Variants in CFAP77 observed in about 807,000 individuals in gnomAD.
CFAP77 encodes the protein cilia and flagella associated protein 77, also known as cilia- and flagella-associated protein 77.
A neutral mutation model predicts 31.1 loss-of-function variants in CFAP77; 25 were observed. That is an observed-to-expected ratio of 0.80 (90% confidence interval 0.59 to 1.12). CFAP77 has a LOEUF of 1.12. CFAP77 is among the 50% of genes most tolerant of loss of function. The pLI is 0.00. For synonymous variants in CFAP77, 151 were observed against 159.9 expected (o/e 0.94, Z 0.42); for missense variants, 377 against 397.3 (o/e 0.95, Z 0.44).
At chr9:132,466,943 C>T (rs554849185) in intron 1 of CFAP77, among the ~76,000 whole-genome samples, 31 of 152,208 alleles carry the variant, frequency 2.0e-4, no homozygotes, top group African/African-American at 7.2e-4. Flanking sequence ...TTTGGGAGGC[C>T]GAGGCGGGTG....
In CFAP77 at chr9:132,449,433, AG is replaced by A. The variant is rs1235943483; in HGVS notation, c.195+38969del. Among the ~76,000 whole-genome samples, 6 of 133,040 alleles carry A rather than the reference AG, an allele frequency of 4.5e-5. No homozygotes were observed. The East Asian group carries it at 8.8e-4, about 20-fold the overall frequency. 87.3% of individuals were successfully genotyped at this position (133,040 alleles called of 152,430 possible). A position where few individuals can be genotyped will look rare whatever the true frequency, so the allele number is the denominator to read the frequency against. ...ATATAAATGGAGCCATAGAGTACACAGGTTTTTTTTTTTTTTATGTTTTACT... is the reference window on the plus strand; with the variant it reads ...ATATAAATGGAGCCATAGAGTACACAGTTTTTTTTTTTTTTATGTTTTACT... On this transcript the variant is annotated intron_variant, in intron 1 of 5. Coordinates refer to ENST00000393216, the MANE Select transcript of CFAP77 (RefSeq NM_001282957.2).
chr9:132,551,219 C>T (rs1021114893), intron 5 of CFAP77, among the ~76,000 whole-genome samples: 14 of 151,408 alleles, frequency 9.2e-5, no homozygotes, highest in Non-Finnish European at 2.9e-5. Context: ...TCCAAGACAG[C>T]AGCAATGATA....
chr9:132,548,455 G>A (rs535514970), intron 5 of CFAP77, among the ~76,000 whole-genome samples: 120 of 152,256 alleles, frequency 7.9e-4, no homozygotes, highest in Non-Finnish European at 1.5e-3. Flanking sequence ...TCGACCTCCA[G>A]CTTTGAGCTC....
At position 132,517,576 on chromosome 9, in the gene CFAP77, TGTA is replaced by T. The variant is rs1293626454; in HGVS notation, c.524+17977_524+17979del. Among the ~76,000 whole-genome samples the T allele has an allele frequency of 6.6e-6, 1 of 152,244 alleles. No homozygotes were observed. The highest frequency in any genetic ancestry group is 6.5e-5 in the Admixed American group (1 of 15,288). Reference sequence around the variant, plus strand: ...CTTCTGAAACACCTTTCAACAAATGTGTACCTAAAGTCCCTCAGAAGGCTCCTC... The same window carrying T: ...CTTCTGAAACACCTTTCAACAAATGTCCTAAAGTCCCTCAGAAGGCTCCTC... On this transcript the variant is annotated intron_variant, in intron 3 of 5. Coordinates refer to ENST00000393216, the MANE Select transcript of CFAP77 (RefSeq NM_001282957.2). The surrounding 1 kb of genome is among the most constrained non-coding windows in gnomAD (Gnocchi z 4.7).
intron 1 of CFAP77, among the ~76,000 whole-genome samples, chr9:132,483,502 G>A (rs565608521): frequency 1.3e-5 from 2 of 152,174 alleles, no homozygotes; most frequent in East Asian, 1.9e-4. Flanking sequence ...AGGCTGACGC[G>A]AACTGACACC....
chr9:132,458,357 G>GGGGGGGGGGTGGGGT lies in CFAP77; in HGVS notation c.196-40337_196-40336insGGGGGGGGTGGGGTG, dbSNP rs139008147. 5.2e-4 allele frequency among the ~76,000 whole-genome samples: 62 copies of GGGGGGGGGGTGGGGT among 119,064 alleles called. 1 individual carries two copies. The highest frequency in any genetic ancestry group is 6.9e-4 in the Admixed American group (7 of 10,214). 78.1% of individuals were successfully genotyped at this position (119,064 alleles called of 152,430 possible). A position where few individuals can be genotyped will look rare whatever the true frequency, so the allele number is the denominator to read the frequency against. Reference sequence around the variant, plus strand: ...GTCTCCCTGGCGGGGGAGGGGGGGGGGTGTGTATGGAAGGCTCAGCTCATC... The same window carrying GGGGGGGGGGTGGGGT: ...GTCTCCCTGGCGGGGGAGGGGGGGGGGGGGGGGGGTGGGGTGTGTGTATGGAAGGCTCAGCTCATC... On this transcript the variant is annotated intron_variant, in intron 1 of 5. Transcript: ENST00000393216.
intron 1 of CFAP77, among the ~76,000 whole-genome samples, chr9:132,450,181 C>T (rs908390525): frequency 2.6e-5 from 4 of 151,418 alleles, no homozygotes; most frequent in African/African-American, 7.3e-5. Context: ...CTGCCCGCCT[C>T]GCCCTCCCAA....
chr9:132,431,650 T>C (rs1850413512), intron 1 of CFAP77, among the ~76,000 whole-genome samples: 2 of 152,082 alleles, frequency 1.3e-5, no homozygotes, highest in African/African-American at 4.8e-5. Context: ...CCTGAATATA[T>C]ACCAATAAAA....
At chr9:132,537,279 C>T (rs1852559079) in intron 3 of CFAP77, among the ~76,000 whole-genome samples, 1 of 152,138 alleles carries the variant, frequency 6.6e-6, no homozygotes. Flanking sequence ...ATCAACGTAG[C>T]GGGACTCTTG....
intron 3 of CFAP77, among the ~76,000 whole-genome samples, chr9:132,500,826 G>T (rs1428781412): frequency 6.6e-6 from 1 of 152,210 alleles, no homozygotes; most frequent in Non-Finnish European, 1.5e-5. Context: ...GCTTAGATAA[G>T]CTCCCTAGTG....
At chr9:132,546,140 G>A (rs1442180741) in intron 5 of CFAP77, among the ~76,000 whole-genome samples, 1 of 152,196 alleles carries the variant, frequency 6.6e-6, no homozygotes, top group Non-Finnish European at 1.5e-5. Flanking sequence ...CGCCAGTACA[G>A]CCCAGAGTGA....
intron 3 of CFAP77, among the ~76,000 whole-genome samples, chr9:132,530,505 C>T (rs143693176): frequency 0.015 from 2,283 of 152,258 alleles, 53 homozygotes; most frequent in African/African-American, 0.053. Flanking sequence ...GAACTCCTGA[C>T]CTCAGGTGAT....
At chr9:132,412,097 A>G (rs1222625271) in intron 1 of CFAP77, among the ~76,000 whole-genome samples, 1 of 152,078 alleles carries the variant, frequency 6.6e-6, no homozygotes, top group Admixed American at 6.5e-5. Context: ...TCTGGATGGC[A>G]CTAGCTAAAC....
chr9:132,425,109 G>A (rs746667139), intron 1 of CFAP77, among the ~76,000 whole-genome samples: 9 of 152,162 alleles, frequency 5.9e-5, no homozygotes, highest in Non-Finnish European at 1.2e-4. Context: ...CCTTGTCAGC[G>A]TGGATGTTAG....
At chr9:132,532,126 G>GT (rs58057222) in intron 3 of CFAP77, among the ~76,000 whole-genome samples, 9,080 of 152,276 alleles carry the variant, frequency 0.06, 860 homozygotes, top group African/African-American at 0.2. Flanking sequence ...AAGAACCACC[G>GT]TTTGTAGCAG....
Position 132,410,287 on chromosome 9 carries a change from A to G in CFAP77, c.16A>G (p.Ser6Gly). Residue 6 changes from serine to glycine, a missense_variant, in exon 1 of 6, where the codon AGC becomes GGC. Physicochemically the swap from Ser to Gly is moderately conservative, Grantham distance 56. Transcript: ENST00000393216. ...GACCTCAAGGATGCCAGAGGCCAGGAGCTCCGGCCCGGACCTCACGCGATG... is the reference window on the plus strand; with the variant it reads ...GACCTCAAGGATGCCAGAGGCCAGGGGCTCCGGCCCGGACCTCACGCGATG... MPEAR[S>G]SGPDLTRWRK... 1 of 1,580,300 alleles carries G rather than the reference A, an allele frequency of 6.3e-7. No individual in the cohort carries two copies. Among genetic ancestry groups the G allele is most frequent in the East Asian group, 2.4e-5 (1 of 41,640 alleles).
At chr9:132,444,023 C>T (rs60545066) in intron 1 of CFAP77, among the ~76,000 whole-genome samples, 9,281 of 152,328 alleles carry the variant, frequency 0.061, 332 homozygotes, top group African/African-American at 0.068. Context: ...GTGGCCCTCC[C>T]GGGCCCACAG....
intron 1 of CFAP77, among the ~76,000 whole-genome samples, chr9:132,430,926 G>T (rs1387465063): frequency 1.3e-5 from 2 of 152,208 alleles, no homozygotes; most frequent in African/African-American, 4.8e-5. Flanking sequence ...TTTTAAAAAT[G>T]ACCTTTATCC....
At chr9:132,535,292 A>C (rs890477535) in intron 3 of CFAP77, among the ~76,000 whole-genome samples, 2 of 152,240 alleles carry the variant, frequency 1.3e-5, no homozygotes, top group Non-Finnish European at 2.9e-5. Flanking sequence ...GAATGTATAC[A>C]TAATAGTTTC....
Sources: gnomAD v4.1 joint callset for allele counts (sites outside exome capture counted in the v4.1 genomes callset) on GRCh38, gnomAD v4.1.1 for gene constraint, Gnocchi (gnomAD v3.1) non-coding constraint, MANE v1.5 for transcripts, NCBI Gene and HGNC (gene_info 2026-07-23, HGNC 2026-07-21) for gene names.